The following ZFHX3 variants were observed in gnomAD, a reference collection of about 807,000 sequenced individuals.
The protein encoded by ZFHX3 is zinc finger homeobox 3.
A neutral mutation model predicts 279.1 loss-of-function variants in ZFHX3; 42 were observed. The ratio of observed to expected loss-of-function variants is 0.15; its 90% CI spans 0.12 to 0.19. The LOEUF is 0.19. ZFHX3 is among the 10% of genes least tolerant of loss of function. The probability of loss-of-function intolerance (pLI) is 1.00; values close to 1 mark genes in which losing one functional copy is unlikely to be tolerated. For missense variants in ZFHX3, 4,981 were observed against 4,754.0 expected (o/e 1.05, Z -1.40); for synonymous variants, 2,293 against 1,957.8 (o/e 1.17, Z -4.52).
chr16:73,178,493 T>A (rs1967716873), intron 5 of ZFHX3, among the ~76,000 whole-genome samples: 1 of 152,100 alleles, frequency 6.6e-6, no homozygotes. Context: ...GACTCCTTCA[T>A]CATTTTCCTC....
chr16:73,137,097 C>G (rs1416537588), intron 6 of ZFHX3, among the ~76,000 whole-genome samples: 1 of 152,082 alleles, frequency 6.6e-6, no homozygotes, highest in Admixed American at 6.6e-5. Context: ...TATAAAATCA[C>G]TAGACTTTGA....
At chr16:73,715,567 T>G (rs1210324394) in intron 1 of ZFHX3, among the ~76,000 whole-genome samples, 1 of 131,240 alleles carries the variant, frequency 7.6e-6, no homozygotes, top group Non-Finnish European at 1.6e-5. Flanking sequence ...CTGGTCTTTT[T>G]TTTTTTTTTT....
At chr16:73,676,461 G>C (rs2052955386) in intron 2 of ZFHX3, among the ~76,000 whole-genome samples, 1 of 151,686 alleles carries the variant, frequency 6.6e-6, no homozygotes, top group Non-Finnish European at 1.5e-5. Flanking sequence ...TAATGGTTTT[G>C]AGAAATTAGA....
chr16:73,879,031 T>G (rs2030052771), intron 1 of ZFHX3, among the ~76,000 whole-genome samples: 2 of 150,684 alleles, frequency 1.3e-5, no homozygotes, highest in South Asian at 4.2e-4. Flanking sequence ...CTCCCAGCAT[T>G]TTGCTTCTTA....
intron 7 of ZFHX3, among the ~76,000 whole-genome samples, chr16:73,117,650 T>G (rs1190122873): frequency 6.6e-6 from 1 of 152,228 alleles, no homozygotes; most frequent in Non-Finnish European, 1.5e-5. Context: ...TTTAGGTCAA[T>G]CTCTAGCCTC....
chr16:73,390,478 G>A (rs928620550), intron 3 of ZFHX3, among the ~76,000 whole-genome samples: 4 of 152,260 alleles, frequency 2.6e-5, no homozygotes, highest in East Asian at 1.9e-4. Flanking sequence ...GCTTTGCACC[G>A]GTGGCTGGAG....
intron 1 of ZFHX3, among the ~76,000 whole-genome samples, chr16:72,994,178 A>G (rs73594727): frequency 0.051 from 7,788 of 152,266 alleles, 518 homozygotes; most frequent in African/African-American, 0.15. Flanking sequence ...ACCTTATCAA[A>G]AGCTTTTAGA....
At chr16:73,380,820 C>T (rs1415267658) in intron 3 of ZFHX3, among the ~76,000 whole-genome samples, 1 of 152,154 alleles carries the variant, frequency 6.6e-6, no homozygotes, top group African/African-American at 2.4e-5. Flanking sequence ...GCCTGGGAAA[C>T]ACAGTGAGAC....
chr16:73,682,921 AAAG>A (rs1193227655), intron 1 of ZFHX3, among the ~76,000 whole-genome samples: 725 of 39,674 alleles, frequency 0.018, 9 homozygotes, highest in Non-Finnish European at 0.021. Flanking sequence ...AGAAAGAGAG[AAAG>A]AGAAAGAAAG....
chr16:73,400,353 T>C (rs2017225115), intron 3 of ZFHX3: 1 of 152,142 alleles, frequency 6.6e-6, no homozygotes, highest in Non-Finnish European at 1.5e-5. Context: ...TGACGGGAGT[T>C]TGCGGGGATA....
intron 1 of ZFHX3, among the ~76,000 whole-genome samples, chr16:73,791,603 T>C (rs1959826896): frequency 6.6e-6 from 1 of 151,972 alleles, no homozygotes; most frequent in African/African-American, 2.4e-5. Context: ...TTTTTGTATT[T>C]TAATAGAGAT....
intron 1 of ZFHX3, among the ~76,000 whole-genome samples, chr16:73,680,887 T>C (rs895408548): frequency 6.6e-6 from 1 of 152,232 alleles, no homozygotes; most frequent in African/African-American, 2.4e-5. Flanking sequence ...CCATTATTCA[T>C]ATATAATTAC....
At chr16:73,430,523 G>A (rs984664353) in intron 3 of ZFHX3, among the ~76,000 whole-genome samples, 3 of 152,072 alleles carry the variant, frequency 2.0e-5, no homozygotes, top group Non-Finnish European at 4.4e-5. Context: ...TGCACATGGC[G>A]CTTCTGCGGG....
intron 1 of ZFHX3, among the ~76,000 whole-genome samples, chr16:73,709,659 C>T (rs1206553771): frequency 1.3e-5 from 2 of 151,770 alleles, no homozygotes; most frequent in African/African-American, 4.8e-5. Flanking sequence ...TCAAAGGATA[C>T]AAAATTTCAG....
At chr16:72,833,370 G>A (rs376182413) in intron 4 of ZFHX3, among the ~76,000 whole-genome samples, 12 of 152,152 alleles carry the variant, frequency 7.9e-5, no homozygotes, top group African/African-American at 2.9e-4. Flanking sequence ...CTTCTGCGAA[G>A]TCACTGGTAA....
At chr16:73,719,495 C>A (rs2053452390) in intron 1 of ZFHX3, among the ~76,000 whole-genome samples, 2 of 152,064 alleles carry the variant, frequency 1.3e-5, no homozygotes, top group African/African-American at 4.8e-5. Flanking sequence ...CTAGAAACAA[C>A]CTGCTCCCAA....
intron 4 of ZFHX3, among the ~76,000 whole-genome samples, chr16:72,884,083 TAAAAAC>T (rs147474562): frequency 6.6e-6 from 1 of 150,820 alleles, no homozygotes; most frequent in East Asian, 2.0e-4. Context: ...CTTTGCAAAA[TAAAAAC>T]AAAATCAAGT....
chr16:73,015,201 C>A (rs1018554060), intron 1 of ZFHX3: 1 of 152,146 alleles, frequency 6.6e-6, no homozygotes, highest in East Asian at 1.9e-4. Context: ...CGCCTACCAC[C>A]GTGCACAGCT....
intron 1 of ZFHX3, among the ~76,000 whole-genome samples, chr16:72,967,190 T>A (rs1217691364): frequency 6.6e-6 from 1 of 152,230 alleles, no homozygotes; most frequent in Non-Finnish European, 1.5e-5. Flanking sequence ...GTTTAAGACG[T>A]GTCTGGTGTA....
Sources: gnomAD v4.1 joint callset for allele counts (sites outside exome capture counted in the v4.1 genomes callset) on GRCh38, gnomAD v4.1.1 for gene constraint, MANE v1.5 for transcripts, NCBI Gene and HGNC (gene_info 2026-07-23, HGNC 2026-07-21) for gene names.